SNCAIP: variants seen among roughly 807,000 people sequenced by gnomAD.
SNCAIP encodes synuclein alpha interacting protein.
Under a neutral mutation model 86.7 loss-of-function variants are expected in SNCAIP, and 43 were observed. The ratio of observed to expected loss-of-function variants is 0.50; its 90% CI spans 0.39 to 0.64. The LOEUF (loss-of-function observed/expected upper bound fraction) is 0.64. Among genes scored for constraint, SNCAIP ranks in the 30% least tolerant of loss-of-function variants. The pLI, the probability that SNCAIP is intolerant of heterozygous loss-of-function variation, is 0.00. For missense variants in SNCAIP, 981 were observed against 1,103.1 expected, an observed-to-expected ratio of 0.89 and a Z score of 1.57; for synonymous variants, 417 against 427.2, an observed-to-expected ratio of 0.98 and a Z score of 0.29.
At chr5:122,430,069 G>A (rs1211565517) in intron 5 of SNCAIP, among the ~76,000 whole-genome samples, 5 of 152,174 alleles carry the variant, frequency 3.3e-5, no homozygotes, top group African/African-American at 1.2e-4. Context: ...GAATCTGCAT[G>A]TGAATAGTTG....
chr5:122,418,904 G>A (rs1775832923), intron 3 of SNCAIP, among the ~76,000 whole-genome samples: 1 of 152,132 alleles, frequency 6.6e-6, no homozygotes, highest in South Asian at 2.1e-4. Context: ...ACCAGGGGAA[G>A]CCAGGAAAAC....
At chr5:122,365,024 A>G (rs1198937840) in intron 1 of SNCAIP, among the ~76,000 whole-genome samples, 1 of 152,218 alleles carries the variant, frequency 6.6e-6, no homozygotes, top group Non-Finnish European at 1.5e-5. Flanking sequence ...GTTTGAACAT[A>G]AAATGAATCT....
intron 10 of SNCAIP, among the ~76,000 whole-genome samples, chr5:122,462,738 T>G (rs1581495174): frequency 6.6e-6 from 1 of 152,260 alleles, no homozygotes; most frequent in East Asian, 1.9e-4. Flanking sequence ...TACCAGAAAG[T>G]GTTTTTGTCT....
At chr5:122,384,865 T>C (rs1767765314) in intron 1 of SNCAIP, among the ~76,000 whole-genome samples, 1 of 152,188 alleles carries the variant, frequency 6.6e-6, no homozygotes, top group Non-Finnish European at 1.5e-5. Flanking sequence ...AATCCCTGTT[T>C]ATCACCCCAC....
rs1766980349 is a variant in SNCAIP at position 122,382,169 on chromosome 5, T to G, written c.-46-8920T>G. ...CTTGTTTCCATTCTCCCCATCACTT[T>G]CAGGTACACCAATCAGACGTAGATT... On this transcript the variant is annotated intron_variant, in intron 1 of 10. Transcript: ENST00000261368. Among the ~76,000 whole-genome samples, 6 of 152,360 alleles carry G rather than the reference T, an allele frequency of 3.9e-5. No individual in the cohort carries two copies. In the South Asian group the frequency reaches 1.2e-3, roughly 32 times the overall value.
rs919992717 is a variant in SNCAIP, at chr5:122,366,849, G to A, written c.-46-24240G>A. Among the ~76,000 whole-genome samples, 19 of 152,172 alleles carry A rather than the reference G, an allele frequency of 1.2e-4. No individual in the cohort carries two copies. The Middle Eastern group carries it at 0.01, about 82-fold the overall frequency. On this transcript the variant is annotated intron_variant, in intron 1 of 10. Transcript: ENST00000261368. ...TGGCAAGCCCATATTTGTATTTTAG[G>A]TCACTTTGACAGTTGTGTAGACTCC...
intron 5 of SNCAIP, among the ~76,000 whole-genome samples, chr5:122,428,782 C>T (rs1777849827): frequency 6.6e-6 from 1 of 151,640 alleles, no homozygotes; most frequent in South Asian, 2.1e-4. Flanking sequence ...TGTGATGTTC[C>T]CCGCCTGTGT....
intron 1 of SNCAIP, among the ~76,000 whole-genome samples, chr5:122,386,525 T>G (rs1258735550): frequency 6.6e-6 from 1 of 152,178 alleles, no homozygotes; most frequent in Non-Finnish European, 1.5e-5. Flanking sequence ...CTACAAACAT[T>G]GAGTGTAGTT....
chr5:122,436,073 A>G (rs1581237365), intron 6 of SNCAIP, among the ~76,000 whole-genome samples: 1 of 152,140 alleles, frequency 6.6e-6, no homozygotes, highest in Non-Finnish European at 1.5e-5. Context: ...GGGATGCGCA[A>G]TTGTGGATAT....
At chr5:122,374,778 T>C (rs1211346159) in intron 1 of SNCAIP, among the ~76,000 whole-genome samples, 3 of 152,176 alleles carry the variant, frequency 2.0e-5, no homozygotes, top group Non-Finnish European at 4.4e-5. Context: ...TAATATATTA[T>C]TTACTCGTGC....
chr5:122,412,907 A>G (rs1774449743), intron 3 of SNCAIP, among the ~76,000 whole-genome samples: 1 of 152,186 alleles, frequency 6.6e-6, no homozygotes. Flanking sequence ...CCAGGTCTTG[A>G]GTCTCTGTGC....
At chr5:122,372,818 C>G (rs570175229) in intron 1 of SNCAIP, among the ~76,000 whole-genome samples, 22 of 152,070 alleles carry the variant, frequency 1.4e-4, no homozygotes, top group African/African-American at 5.3e-4. Context: ...CCCTCTCCCT[C>G]CCTTCTTCCT....
At chr5:122,330,157 T>C (rs1017645106) in intron 1 of SNCAIP, among the ~76,000 whole-genome samples, 3 of 144,174 alleles carry the variant, frequency 2.1e-5, no homozygotes, top group Non-Finnish European at 3.0e-5. Flanking sequence ...AGTCTCACTC[T>C]GTCGCCCAGG....
intron 1 of SNCAIP, among the ~76,000 whole-genome samples, chr5:122,337,884 C>T (rs981673658): frequency 6.6e-6 from 1 of 152,180 alleles, no homozygotes; most frequent in African/African-American, 2.4e-5. Context: ...AGAAAAGGTT[C>T]TCTTGTTACC....
At position 122,463,355 on chromosome 5, in the gene SNCAIP, G is replaced by A. The variant is rs10059131; in HGVS notation, c.2755-136G>A. The A allele has an allele frequency of 6.4e-3, 4,215 of 661,288 alleles. 40 individuals are homozygous for A. The highest frequency in any genetic ancestry group is 0.025 in the African/African-American group (1,407 of 55,686). 41.0% of individuals were successfully genotyped at this position (661,288 alleles called of 1,614,324 possible). A position where few individuals can be genotyped will look rare whatever the true frequency, so the allele number is the denominator to read the frequency against. On this transcript the variant is annotated intron_variant, in intron 10 of 10. Transcript: ENST00000261368. ...TTTACATGAAAAGAGAATAATTTGC[G>A]TATTGGAATGAAGTGTTCTTCAGTG...
intron 4 of SNCAIP, among the ~76,000 whole-genome samples, chr5:122,424,410 C>T (rs983263409): frequency 4.6e-5 from 7 of 152,310 alleles, no homozygotes; most frequent in African/African-American, 1.2e-4. Flanking sequence ...TTGTTCTTTT[C>T]TGGCTTCCAG....
At chr5:122,371,798 T>A (rs567982179) in intron 1 of SNCAIP, 2 of 152,336 alleles carry the variant, frequency 1.3e-5, no homozygotes, top group African/African-American at 4.8e-5. Context: ...AGAGTGATAT[T>A]AAAGATTAAA....
chr5:122,358,302 C>T (rs1260546537), intron 1 of SNCAIP, among the ~76,000 whole-genome samples: 4 of 150,616 alleles, frequency 2.7e-5, no homozygotes, highest in Non-Finnish European at 4.4e-5. Context: ...GTGTGCTGCA[C>T]CCATTAACTC....
At chr5:122,364,412 G>A (rs1762770609) in intron 1 of SNCAIP, among the ~76,000 whole-genome samples, 1 of 152,200 alleles carries the variant, frequency 6.6e-6, no homozygotes, top group Non-Finnish European at 1.5e-5. Flanking sequence ...CTTGGGGTCT[G>A]GATCAGGACT....
Sources: allele counts gnomAD v4.1 joint callset (sites outside exome capture counted in the v4.1 genomes callset), GRCh38; gene constraint gnomAD v4.1.1; transcripts MANE v1.5; gene names NCBI Gene and HGNC (gene_info 2026-07-23, HGNC 2026-07-21).